The following N4BP1 variants were observed in gnomAD, a reference collection of about 807,000 sequenced individuals.
N4BP1 encodes the protein NEDD4-binding protein 1.
A neutral mutation model predicts 70.9 loss-of-function variants in N4BP1; 21 were observed. The ratio of observed to expected loss-of-function variants is 0.30; its 90% CI spans 0.21 to 0.43. The LOEUF (loss-of-function observed/expected upper bound fraction) is 0.43. Among genes scored for constraint, N4BP1 ranks in the 20% least tolerant of loss-of-function variants. The pLI, the probability that N4BP1 is intolerant of heterozygous loss-of-function variation, is 1.00. For missense variants in N4BP1, 936 were observed against 1,069.4 expected (o/e 0.88, Z 1.74); for synonymous variants, 387 against 394.6 (o/e 0.98, Z 0.23).
intron 1 of N4BP1, among the ~76,000 whole-genome samples, chr16:48,568,508 C>T (rs1337081437): frequency 6.6e-6 from 1 of 152,130 alleles, no homozygotes; most frequent in Admixed American, 6.5e-5. Context: ...TAGGAGAATA[C>T]CTAAGGAATA....
At chr16:48,603,980 T>C (rs1400191258) in intron 1 of N4BP1, among the ~76,000 whole-genome samples, 2 of 152,156 alleles carry the variant, frequency 1.3e-5, no homozygotes. Flanking sequence ...TTACCTCCAA[T>C]CCTTGTGTCC....
chr16:48,586,318 G>A (rs747030438), intron 1 of N4BP1, among the ~76,000 whole-genome samples: 1 of 152,134 alleles, frequency 6.6e-6, no homozygotes, highest in Non-Finnish European at 1.5e-5. Flanking sequence ...CTTAACTACC[G>A]AGTATATAAT....
At position 48,542,754 on chromosome 16, in the gene N4BP1, G is replaced by A; in HGVS notation, c.*150C>T. The stretch of plus-strand genomic sequence containing the variant: ...GAAAAAAGCTGGTTTTGAAAACCCA[G>A]ATTTATACCCAAAACATTTTTTTTC... On this transcript the variant is annotated 3_prime_UTR_variant, in exon 7 of 7. Coordinates refer to ENST00000262384, the MANE Select transcript of N4BP1 (RefSeq NM_153029.4). The A allele has an allele frequency of 1.5e-6, 1 of 666,950 alleles. No homozygotes were observed. The highest frequency in any genetic ancestry group is 2.3e-6 in the Non-Finnish European group (1 of 431,920). 41.3% of individuals were successfully genotyped at this position (666,950 alleles called of 1,614,324 possible).
In N4BP1 at chr16:48,551,194, CAA is replaced by C. The variant is rs201103076; in HGVS notation, c.2117+190_2117+191del. On this transcript the variant is annotated intron_variant, in intron 4 of 6. Coordinates refer to ENST00000262384, the MANE Select transcript of N4BP1 (RefSeq NM_153029.4). Reference sequence around the variant, plus strand: ...TTTTCAGCCATGTTTTACTAAAACACAAAGAGTTTCTTCTGTGGTGTTTCTAA... The same window carrying C: ...TTTTCAGCCATGTTTTACTAAAACACAGAGTTTCTTCTGTGGTGTTTCTAA... Among the ~76,000 whole-genome samples, 780 of 152,310 alleles carry C rather than the reference CAA, an allele frequency of 5.1e-3. 6 individuals carry two copies. Among genetic ancestry groups the C allele is most frequent in the African/African-American group, 0.017 (703 of 41,568 alleles).
chr16:48,565,698 T>C (rs1115758), intron 1 of N4BP1, among the ~76,000 whole-genome samples: 61,347 of 152,064 alleles, frequency 0.4, 13,347 homozygotes, highest in African/African-American at 0.56. Context: ...CTGTGTAGAA[T>C]TGATGTTCAT....
chr16:48,591,000 T>A (rs751691624), intron 1 of N4BP1, among the ~76,000 whole-genome samples: 1 of 152,166 alleles, frequency 6.6e-6, no homozygotes. Flanking sequence ...TGGTTAGGGA[T>A]CTTGATTTGG....
rs1597087964 is a variant in N4BP1 at position 48,542,738 on chromosome 16, T to C, written c.*166A>G. Reference sequence around the variant, plus strand: ...GCATAATTTATATATAGAAAAAAGCTGGTTTTGAAAACCCAGATTTATACC... The same window carrying C: ...GCATAATTTATATATAGAAAAAAGCCGGTTTTGAAAACCCAGATTTATACC... On this transcript the variant is annotated 3_prime_UTR_variant, in exon 7 of 7. Transcript: ENST00000262384. The C allele has an allele frequency of 1.9e-6, 1 of 521,822 alleles. No homozygotes were observed. The highest frequency in any genetic ancestry group is 3.1e-5 in the East Asian group (1 of 32,332). 32.3% of individuals were successfully genotyped at this position (521,822 alleles called of 1,614,324 possible).
At chr16:48,595,456 CAAAAAAAAAAAA>C (rs373163833) in intron 1 of N4BP1, among the ~76,000 whole-genome samples, 1 of 57,454 alleles carries the variant, frequency 1.7e-5, no homozygotes, top group East Asian at 5.4e-4. Flanking sequence ...GACTCTGTCT[CAAAAAAAAAAAA>C]AAAAAAAAAA....
intron 1 of N4BP1, among the ~76,000 whole-genome samples, chr16:48,575,341 T>C (rs1466112502): frequency 6.6e-6 from 1 of 152,242 alleles, no homozygotes; most frequent in East Asian, 1.9e-4. Context: ...GTTCTTATTC[T>C]GTTTTACTTT....
At chr16:48,555,990 G>C (rs945003889) in intron 2 of N4BP1, among the ~76,000 whole-genome samples, 2 of 152,144 alleles carry the variant, frequency 1.3e-5, no homozygotes, top group African/African-American at 4.8e-5. Flanking sequence ...TAGAGGAGGA[G>C]TACCCAGTTC....
intron 1 of N4BP1, among the ~76,000 whole-genome samples, chr16:48,608,811 A>T (rs1964627354): frequency 1.3e-5 from 2 of 151,922 alleles, no homozygotes; most frequent in South Asian, 4.2e-4. Flanking sequence ...ACCTTATTAG[A>T]AGCCATAAGG....
chr16:48,551,564 G>C, intron 3 of N4BP1, 82 bp from the exon 4 acceptor site: 1 of 961,794 alleles, frequency 1.0e-6, no homozygotes. Flanking sequence ...ACACTCAAAT[G>C]TTTCACTTGG....
At chr16:48,574,758 A>G (rs1175507477) in intron 1 of N4BP1, among the ~76,000 whole-genome samples, 1 of 152,232 alleles carries the variant, frequency 6.6e-6, no homozygotes, top group African/African-American at 2.4e-5. Context: ...CATAGCATAT[A>G]CAACAATCTT....
intron 1 of N4BP1, among the ~76,000 whole-genome samples, chr16:48,595,455 T>TGAAA (rs1964397218): frequency 3.0e-5 from 1 of 33,336 alleles, no homozygotes; most frequent in Non-Finnish European, 4.6e-5. Context: ...AGACTCTGTC[T>TGAAA]CAAAAAAAAA....
intron 1 of N4BP1, among the ~76,000 whole-genome samples, chr16:48,592,258 T>C (rs1022168601): frequency 6.6e-6 from 1 of 152,286 alleles, no homozygotes; most frequent in African/African-American, 2.4e-5. Context: ...CAAAATCGGC[T>C]GACTGGGTTT....
chr16:48,546,250 G>A lies in N4BP1; in HGVS notation c.2230C>T (p.Leu744=), dbSNP rs1207671795. The change falls in exon 6 of 7, where the codon CTG becomes TTG. Residue 744 remains leucine, a synonymous_variant. Coordinates refer to ENST00000262384, the MANE Select transcript of N4BP1 (RefSeq NM_153029.4). ...SWREIITKRL[L]QYTFVGDIFM... is the part of the protein sequence containing the mutation. Reference sequence around the variant, plus strand: ...ATGTCCCCCACGAACGTGTACTGCAGCAGCCTACAACACAGAACACCATGA... The same window carrying A: ...ATGTCCCCCACGAACGTGTACTGCAACAGCCTACAACACAGAACACCATGA... The A allele has an allele frequency of 6.2e-7, 1 of 1,607,364 alleles. No homozygotes were observed. The highest frequency in any genetic ancestry group is 8.5e-7 in the Non-Finnish European group (1 of 1,176,870).
chr16:48,609,811 C>A lies in N4BP1; in HGVS notation c.162G>T (p.Gln54His). 1 of 1,483,908 alleles carries A rather than the reference C, an allele frequency of 6.7e-7. No individual in the cohort carries two copies. The highest frequency in any genetic ancestry group is 8.9e-7 in the Non-Finnish European group (1 of 1,122,062). 91.9% of individuals were successfully genotyped at this position (1,483,908 alleles called of 1,614,324 possible). Residue 54 changes from glutamine to histidine, a missense_variant, in exon 1 of 7, where the codon CAG (glutamine) becomes CAT (histidine). Coordinates refer to ENST00000262384, the MANE Select transcript of N4BP1 (RefSeq NM_153029.4). ...EEPLPARIWL[Q>H]LCGAQEAVHS... ...GCACCGCCTCCTGCGCCCCGCAGAG[C>A]TGCAGCCAGATGCGCGCGGGCAGCG...
intron 1 of N4BP1, among the ~76,000 whole-genome samples, chr16:48,589,419 T>C (rs932858027): frequency 2.0e-5 from 3 of 152,118 alleles, no homozygotes; most frequent in Admixed American, 6.5e-5. Context: ...GAGGCTTCCA[T>C]AAAAACCCAA....
At chr16:48,563,614 G>A (rs1963894928) in intron 1 of N4BP1, among the ~76,000 whole-genome samples, 1 of 152,000 alleles carries the variant, frequency 6.6e-6, no homozygotes, top group Admixed American at 6.6e-5. Flanking sequence ...CCTGACCTCA[G>A]GTGATCCCCC....
Sources: allele counts gnomAD v4.1 joint callset (sites outside exome capture counted in the v4.1 genomes callset), GRCh38; gene constraint gnomAD v4.1.1; transcripts MANE v1.5; gene names NCBI Gene and HGNC (gene_info 2026-07-23, HGNC 2026-07-21).